Variants in ABCC5 observed in about 807,000 individuals in gnomAD.
ABCC5 encodes ATP-binding cassette sub-family C member 5.
ABCC5 carries 61 observed loss-of-function variants against 160.9 expected under a neutral mutation model. That is an observed-to-expected ratio of 0.38 (90% CI 0.31 to 0.47). ABCC5 has a LOEUF of 0.47. Among genes scored for constraint, ABCC5 ranks in the 20% least tolerant of loss-of-function variants. The probability of loss-of-function intolerance (pLI) is 0.99; values close to 1 mark genes in which losing one functional copy is unlikely to be tolerated. For missense variants in ABCC5, 1,308 were observed against 1,813.3 expected (o/e 0.72, Z 5.06); for synonymous variants, 666 against 700.6 (o/e 0.95, Z 0.78).
At chr3:183,964,035 T>C (rs1303423544) in intron 14 of ABCC5, among the ~76,000 whole-genome samples, 1 of 152,210 alleles carries the variant, frequency 6.6e-6, no homozygotes, top group Non-Finnish European at 1.5e-5. Context: ...CAGCCTCCAG[T>C]GCACAATCCC....
chr3:183,933,777 C>T (rs1440576711), intron 26 of ABCC5, among the ~76,000 whole-genome samples: 1 of 152,184 alleles, frequency 6.6e-6, no homozygotes, highest in Non-Finnish European at 1.5e-5. Context: ...TTGTGACTTT[C>T]TGAGTTTTGT....
At chr3:183,948,376 T>G (rs566618840) in intron 22 of ABCC5, among the ~76,000 whole-genome samples, 1 of 152,326 alleles carries the variant, frequency 6.6e-6, no homozygotes, top group East Asian at 1.9e-4. Flanking sequence ...TGCACTGACA[T>G]TTACTGTGTG....
rs993362555 is a variant in ABCC5 at position 183,944,392 on chromosome 3, CA to C, written c.3504+1457del. ...CCTGGGTGACAATAAGACCCTCTCTCAAAAAAAATAAAAAAATAAAAAATAA... is the reference window on the plus strand; with the variant it reads ...CCTGGGTGACAATAAGACCCTCTCTCAAAAAAATAAAAAAATAAAAAATAA... On this transcript the variant is annotated intron_variant, in intron 24 of 29. Transcript: ENST00000334444. Among the ~76,000 whole-genome samples the C allele has an allele frequency of 7.5e-5, 11 of 146,798 alleles. No homozygotes were observed. The East Asian group carries it at 2.0e-3, about 26-fold the overall frequency.
chr3:184,003,058 G>T (rs73884819), intron 2 of ABCC5, among the ~76,000 whole-genome samples: 9,662 of 151,880 alleles, frequency 0.064, 1,043 homozygotes, highest in African/African-American at 0.22. Context: ...CAAGACAATG[G>T]GCGCCTCTTC....
intron 27 of ABCC5, among the ~76,000 whole-genome samples, chr3:183,928,059 C>A (rs1712769432): frequency 1.3e-5 from 2 of 151,950 alleles, no homozygotes; most frequent in Admixed American, 6.6e-5. Context: ...TGTCTGTGGT[C>A]CATGGTCCAT....
At chr3:183,940,076 G>A (rs777127069) in intron 25 of ABCC5, among the ~76,000 whole-genome samples, 9 of 152,058 alleles carry the variant, frequency 5.9e-5, no homozygotes, top group Non-Finnish European at 1.3e-4. Flanking sequence ...AAGAAGTAAC[G>A]CCCAGGAAAC....
Position 183,988,534 on chromosome 3 carries a change from C to G in ABCC5, c.443+38G>C. Reference sequence around the variant, plus strand: ...ACTCCTAGCTCAGGCCCTGCCCACCCGGCATGGGGGAGATGAGGGTGGACC... The same window carrying G: ...ACTCCTAGCTCAGGCCCTGCCCACCGGGCATGGGGGAGATGAGGGTGGACC... On this transcript the variant is annotated intron_variant, in intron 4 of 29. Coordinates refer to ENST00000334444, the MANE Select transcript of ABCC5 (RefSeq NM_005688.4). The surrounding 1 kb of genome is among the most constrained non-coding windows in gnomAD (Gnocchi z 4.4). The G allele has an allele frequency of 6.3e-7, 1 of 1,582,988 alleles. No homozygotes were observed. Among genetic ancestry groups the G allele is most frequent in the Non-Finnish European group, 8.6e-7 (1 of 1,167,836 alleles).
At chr3:183,990,735 G>A (rs752396681) in intron 2 of ABCC5, among the ~76,000 whole-genome samples, 7 of 152,278 alleles carry the variant, frequency 4.6e-5, no homozygotes, top group Non-Finnish European at 7.4e-5. Flanking sequence ...AAAGTTACAC[G>A]TATTTACTAA....
intron 12 of ABCC5, 134 bp from the exon 13 acceptor site, chr3:183,965,635 C>A: frequency 8.5e-7 from 1 of 1,179,714 alleles, no homozygotes; most frequent in Non-Finnish European, 1.2e-6. Context: ...AATCCAGATT[C>A]CACCTTTAAT....
Position 183,951,481 on chromosome 3 carries a change from T to C in ABCC5, c.2904A>G (p.Thr968=). ...TGGAAAACCTGTTGAGAATCCTCCC[T>C]GTGGGGGTCGTGTCAAAAAACTTCA... ...SPMKFFDTTP[T]GRILNRFSKD... is the part of the protein sequence containing the mutation. The change falls in exon 20 of 30, where the codon ACA becomes ACG. Residue 968 remains threonine (T), a synonymous_variant. Transcript: ENST00000334444. This position sits in a 1 kb window ranked among gnomAD's most constrained non-coding sequence, Gnocchi z 4.7. 1 of 1,614,190 alleles carries C rather than the reference T, an allele frequency of 6.2e-7. No individual in the cohort carries two copies. Among genetic ancestry groups the C allele is most frequent in the African/African-American group, 1.3e-5 (1 of 75,046 alleles).
Position 183,950,068 on chromosome 3 carries a change from A to C in ABCC5, c.3002T>G (p.Phe1001Cys), listed in dbSNP as rs757135068. The change falls in exon 21 of 30, where the codon TTC becomes TGC. Residue 1001 changes from phenylalanine (F) to cysteine (C), a missense_variant. By Grantham distance (205) the Phe-to-Cys change is radical. Around this residue, in one of 3 missense-constraint regions of ABCC5, gnomAD observed 1,142 missense variants for 1,527.1 expected, o/e 0.75. Coordinates refer to ENST00000334444, the MANE Select transcript of ABCC5 (RefSeq NM_005688.4). ...TCCTGCGATCATTCCCACACAGAAG[A>C]ACACCAGGATAACGTTCTGGATGAA... ...EMFIQNVILVFFCVGMIAGVF... is the reference protein window; with the variant it reads ...EMFIQNVILVCFCVGMIAGVF... The C allele has an allele frequency of 6.2e-7, 1 of 1,614,174 alleles. No individual in the cohort carries two copies. The highest frequency in any genetic ancestry group is 1.1e-5 in the South Asian group (1 of 91,078).
At chr3:183,941,520 G>GTTT (rs978651638) in intron 25 of ABCC5, among the ~76,000 whole-genome samples, 1 of 143,562 alleles carries the variant, frequency 7.0e-6, no homozygotes. Context: ...AAGACAAAAG[G>GTTT]TTTTTTTTTT....
At chr3:183,984,940 C>A (rs1349121457) in intron 5 of ABCC5, 21 of 1,511,752 alleles carry the variant, frequency 1.4e-5, no homozygotes, top group Non-Finnish European at 1.8e-5. Flanking sequence ...CCTTCCCATA[C>A]CTTTAGAGTG....
Position 183,982,908 on chromosome 3 carries a change from C to T in ABCC5, c.691G>A (p.Val231Met), listed in dbSNP as rs776536071. 1.2e-5 allele frequency: 19 copies of T among 1,614,070 alleles called. No individual in the cohort carries two copies. Among genetic ancestry groups the T allele is most frequent in the African/African-American group, 2.7e-5 (2 of 74,924 alleles). ...GTCAGTGCAAGCGACCAAGACCGCA[C>T]GATTTCCGTCAGGAGGAGGCCCAGC... ...LVLGLLLTEI[V>M]RSWSLALTWA... The change falls in exon 6 of 30, where the codon GTG becomes ATG. Residue 231 changes from valine to methionine, a missense_variant. Val to Met is a conservative substitution (Grantham distance 21). Around this residue, in one of 3 missense-constraint regions of ABCC5, gnomAD observed 1,142 missense variants for 1,527.1 expected, o/e 0.75. Transcript: ENST00000334444. The surrounding 1 kb of genome is among the most constrained non-coding windows in gnomAD (Gnocchi z 5.2).
At position 183,942,813 on chromosome 3, in the gene ABCC5, C is replaced by T. The variant is rs750201318; in HGVS notation, c.3608G>A (p.Arg1203Gln). The change falls in exon 25 of 30, where the codon CGA (arginine) becomes CAA (glutamine). Residue 1203 changes from arginine to glutamine, a missense_variant. By Grantham distance (43) the Arg-to-Gln change is conservative (BLOSUM62 1). Around this residue, in one of 3 missense-constraint regions of ABCC5, gnomAD observed 1,142 missense variants for 1,527.1 expected, o/e 0.75. Coordinates refer to ENST00000334444, the MANE Select transcript of ABCC5 (RefSeq NM_005688.4). ...CTTTAGGACGAGAGGGAGGTTTTCT[C>T]GGTACCTCATCTCTGCGTTCTCAAA... ...VTFENAEMRY[R>Q]ENLPLVLKKV... The T allele has an allele frequency of 5.0e-5, 81 of 1,614,024 alleles. No individual in the cohort carries two copies. Among genetic ancestry groups the T allele is most frequent in the Non-Finnish European group, 6.3e-5 (74 of 1,180,020 alleles).
intron 17 of ABCC5, among the ~76,000 whole-genome samples, chr3:183,955,671 T>C (rs13323062): frequency 0.16 from 20,512 of 131,264 alleles, 1,847 homozygotes; most frequent in East Asian, 0.36. Context: ...CATGCAGATC[T>C]GTGTATATAT....
At chr3:183,940,790 T>C (rs987537438) in intron 25 of ABCC5, among the ~76,000 whole-genome samples, 2 of 151,880 alleles carry the variant, frequency 1.3e-5, no homozygotes, top group Non-Finnish European at 2.9e-5. Context: ...CACAGGAGAG[T>C]TTCCAAGTTA....
rs758646463 is a variant in ABCC5 at position 183,988,677 on chromosome 3, G to A, written c.338C>T (p.Ser113Leu). Residue 113 changes from serine to leucine, a missense_variant, in exon 4 of 30, where the codon TCG becomes TTG. Physicochemically the swap from Ser to Leu is moderately radical, Grantham distance 145. Coordinates refer to ENST00000334444, the MANE Select transcript of ABCC5 (RefSeq NM_005688.4). This position sits in a 1 kb window ranked among gnomAD's most constrained non-coding sequence, Gnocchi z 4.4. Reference sequence around the variant, plus strand: ...CACACGGGCCAGAGAAGAAAGCCACGAAAAAGTCATACAGGAAAAAAGCCC... The same window carrying A: ...CACACGGGCCAGAGAAGAAAGCCACAAAAAAGTCATACAGGAAAAAAGCCC... ...NAGLFSCMTFSWLSSLARVAH... is the reference protein window; with the variant it reads ...NAGLFSCMTFLWLSSLARVAH... The A allele has an allele frequency of 1.7e-5, 27 of 1,614,050 alleles. No individual in the cohort carries two copies. Among genetic ancestry groups the A allele is most frequent in the Middle Eastern group, 1.6e-4 (1 of 6,084 alleles).
intron 8 of ABCC5, among the ~76,000 whole-genome samples, chr3:183,979,871 G>A (rs917639829): frequency 6.0e-5 from 9 of 151,038 alleles, no homozygotes; most frequent in Admixed American, 3.3e-4. Flanking sequence ...CACCTCGCCC[G>A]GCCAATACTT....
Sources: gnomAD v4.1 joint callset for allele counts (sites outside exome capture counted in the v4.1 genomes callset) on GRCh38, gnomAD v4.1.1 for gene constraint, gnomAD v4.1.1 regional missense constraint, Gnocchi (gnomAD v3.1) non-coding constraint, MANE v1.5 for transcripts, NCBI Gene and HGNC (gene_info 2026-07-23, HGNC 2026-07-21) for gene names.